Variants in CSMD1 observed in about 807,000 individuals in gnomAD.
CSMD1 encodes the protein CUB and Sushi multiple domains 1, also known as CUB and sushi domain-containing protein 1.
Under a neutral mutation model 417.5 loss-of-function variants are expected in CSMD1, and 213 were observed. The ratio of observed to expected loss-of-function variants is 0.51; its 90% CI spans 0.46 to 0.57. CSMD1 has a LOEUF of 0.57. CSMD1 is among the 20% of genes least tolerant of loss of function. The probability of loss-of-function intolerance (pLI) is 0.00; values close to 1 mark genes in which losing one functional copy is unlikely to be tolerated. For synonymous variants in CSMD1, 2,862 were observed against 1,736.8 expected (o/e 1.65, Z -16.11); for missense variants, 6,923 against 4,529.7 (o/e 1.53, Z -15.17).
In CSMD1 at chr8:3,038,702, T is replaced by A. The variant is rs543587343; in HGVS notation, c.7661-9189A>T. On this transcript the variant is annotated intron_variant, in intron 50 of 69. Transcript: ENST00000635120. The stretch of plus-strand genomic sequence containing the variant: ...TTAGAGCTCTTTGCTGAAAAAAAAA[T>A]TCGCTTAAGTATTCTTTCCTAATTG... 4.6e-5 allele frequency among the ~76,000 whole-genome samples: 7 copies of A among 150,596 alleles called. No homozygotes were observed. The South Asian group carries it at 1.3e-3, about 27-fold the overall frequency.
intron 3 of CSMD1, among the ~76,000 whole-genome samples, chr8:4,111,727 C>A (rs766158761): frequency 3.5e-4 from 53 of 152,120 alleles, no homozygotes; most frequent in Non-Finnish European, 7.2e-4. Context: ...AGTAGGAACA[C>A]ATGGAAACAG....
chr8:3,903,043 A>G (rs1474310512), intron 5 of CSMD1, among the ~76,000 whole-genome samples: 1 of 152,146 alleles, frequency 6.6e-6, no homozygotes, highest in Non-Finnish European at 1.5e-5. Flanking sequence ...AGTAGCGTGT[A>G]GCTGACCACC....
intron 41 of CSMD1, among the ~76,000 whole-genome samples, chr8:3,139,946 A>G (rs1176541850): frequency 7.1e-6 from 1 of 140,574 alleles, no homozygotes; most frequent in South Asian, 2.2e-4. Flanking sequence ...TCTGTCACCC[A>G]GACTGGAGTG....
intron 3 of CSMD1, among the ~76,000 whole-genome samples, chr8:4,066,191 A>G (rs550052027): frequency 2.6e-5 from 4 of 152,188 alleles, no homozygotes; most frequent in Non-Finnish European, 4.4e-5. Context: ...ACCTCTCCTT[A>G]GGGACTGTTT....
intron 10 of CSMD1, among the ~76,000 whole-genome samples, chr8:3,508,526 G>C (rs905300192): frequency 2.0e-5 from 3 of 151,776 alleles, no homozygotes; most frequent in Admixed American, 1.3e-4. Context: ...AGAAAAAATA[G>C]AATATTTTTT....
chr8:4,453,787 T>C (rs1158271682), intron 2 of CSMD1, among the ~76,000 whole-genome samples: 1 of 146,054 alleles, frequency 6.8e-6, no homozygotes, highest in Non-Finnish European at 1.5e-5. Flanking sequence ...TCACCCAGGT[T>C]CCCGAACAAG....
At chr8:3,677,602 C>G (rs1287785096) in intron 7 of CSMD1, among the ~76,000 whole-genome samples, 3 of 152,114 alleles carry the variant, frequency 2.0e-5, no homozygotes, top group Middle Eastern at 3.2e-3. Context: ...AAGATTGGCC[C>G]TCTGAGTTTA....
At chr8:3,629,004 G>C (rs541943047) in intron 7 of CSMD1, among the ~76,000 whole-genome samples, 1 of 152,214 alleles carries the variant, frequency 6.6e-6, no homozygotes, top group African/African-American at 2.4e-5. Context: ...GAAAGAAAAA[G>C]ATAAAATAGA....
intron 12 of CSMD1, among the ~76,000 whole-genome samples, chr8:3,443,599 G>C (rs1025511258): frequency 1.4e-4 from 21 of 152,166 alleles, no homozygotes; most frequent in Non-Finnish European, 5.9e-5. Context: ...GCAGAAGTGA[G>C]ACCTTCAAAT....
intron 1 of CSMD1, among the ~76,000 whole-genome samples, chr8:4,688,786 C>G (rs1026574677): frequency 6.6e-6 from 1 of 152,148 alleles, no homozygotes; most frequent in Non-Finnish European, 1.5e-5. Flanking sequence ...TCAAAACTCC[C>G]CGTGCTTTGT....
intron 7 of CSMD1, among the ~76,000 whole-genome samples, chr8:3,659,467 C>T (rs980133338): frequency 2.6e-5 from 4 of 152,130 alleles, no homozygotes; most frequent in African/African-American, 9.7e-5. Flanking sequence ...ATCTCCGAAA[C>T]ACAGAAGCAG....
intron 49 of CSMD1, among the ~76,000 whole-genome samples, chr8:3,061,651 A>T (rs1020931386): frequency 1.3e-5 from 2 of 152,222 alleles, no homozygotes; most frequent in Non-Finnish European, 2.9e-5. Flanking sequence ...CCCATGACTC[A>T]GAAAGTCATA....
intron 4 of CSMD1, among the ~76,000 whole-genome samples, chr8:4,001,131 T>G (rs1239873268): frequency 1.3e-5 from 2 of 152,144 alleles, no homozygotes; most frequent in African/African-American, 4.8e-5. Flanking sequence ...TTTCTATTAT[T>G]TAAAAAGCTT....
At chr8:3,872,672 T>C (rs1805555094) in intron 5 of CSMD1, among the ~76,000 whole-genome samples, 1 of 152,152 alleles carries the variant, frequency 6.6e-6, no homozygotes, top group African/African-American at 2.4e-5. Flanking sequence ...CCTGAGCCCT[T>C]CATTCATGAA....
chr8:4,922,823 CTT>C (rs1057484161), intron 1 of CSMD1, among the ~76,000 whole-genome samples: 3 of 152,174 alleles, frequency 2.0e-5, no homozygotes, highest in African/African-American at 7.2e-5. Context: ...AGGGAAATGA[CTT>C]GAGGAATTCC....
Position 4,479,218 on chromosome 8 carries a change from C to G in CSMD1, c.303-59153G>C, listed in dbSNP as rs150889955. On this transcript the variant is annotated intron_variant, in intron 2 of 69. Transcript: ENST00000635120. ...TGTCTTCAGAGCCCTGAGAAGATAC[C>G]CCTGGAATTACATATTAATATTGCC... is the stretch of plus-strand genomic sequence containing the variant. 3.1e-3 allele frequency among the ~76,000 whole-genome samples: 465 copies of G among 152,046 alleles called. 1 individual carries two copies. The highest frequency in any genetic ancestry group is 0.011 in the African/African-American group (450 of 41,484).
intron 5 of CSMD1, among the ~76,000 whole-genome samples, chr8:3,775,331 T>A (rs961171785): frequency 4.6e-5 from 7 of 152,132 alleles, no homozygotes; most frequent in African/African-American, 9.7e-5. Context: ...GCAGGCAATG[T>A]ATCCTACGCC....
chr8:4,016,187 C>T lies in CSMD1; in HGVS notation c.610+15718G>A, dbSNP rs545017012. Among the ~76,000 whole-genome samples the T allele has an allele frequency of 1.2e-4, 18 of 152,258 alleles. 1 individual carries two copies. In the South Asian group the frequency reaches 3.5e-3, roughly 30 times the overall value. On this transcript the variant is annotated intron_variant, in intron 4 of 69. Transcript: ENST00000635120. ...TTGAACGTTCATAACGTAACACTTG[C>T]CAGAGAGGTTTAGTCTAAGTAAAAT... is the stretch of plus-strand genomic sequence containing the variant.
intron 2 of CSMD1, among the ~76,000 whole-genome samples, chr8:4,523,530 C>T (rs1803596488): frequency 6.6e-6 from 1 of 152,180 alleles, no homozygotes. Context: ...CTCTCTCACA[C>T]ACACACACTC....
Sources: allele counts gnomAD v4.1 joint callset (sites outside exome capture counted in the v4.1 genomes callset), GRCh38; gene constraint gnomAD v4.1.1; transcripts MANE v1.5; gene names NCBI Gene and HGNC (gene_info 2026-07-23, HGNC 2026-07-21).